RGMB: variants seen among roughly 807,000 people sequenced by gnomAD.
RGMB encodes the protein repulsive guidance molecule B.
Under a neutral mutation model 26.9 loss-of-function variants are expected in RGMB, and 16 were observed. The observed-to-expected ratio is 0.60, with a 90% CI of 0.40 to 0.90. The LOEUF is 0.90. Ranked by LOEUF, RGMB falls within the 40% of genes least tolerant of loss-of-function variation. The pLI is 0.00. For missense variants in RGMB, 512 were observed against 573.3 expected (o/e 0.89, Z 1.09); for synonymous variants, 225 against 229.3 (o/e 0.98, Z 0.17).
At position 98,779,737 on chromosome 5, in the gene RGMB, C is replaced by T; in HGVS notation, c.294C>T (p.Ala98=). 2.5e-6 allele frequency: 4 copies of T among 1,613,642 alleles called. No individual in the cohort carries two copies. Among genetic ancestry groups the T allele is most frequent in the Non-Finnish European group, 3.4e-6 (4 of 1,179,594 alleles). The stretch of plus-strand genomic sequence containing the variant: ...GCTGCACCCAGCGAACTTCAAAAGC[C>T]TGCCGTGGCAACCTGGTATACCATT... ...YAGCTQRTSK[A]CRGNLVYHSA... is the part of the protein sequence containing the mutation. The change falls in exon 2 of 3, where the codon GCC becomes GCT. Residue 98 remains alanine, a synonymous_variant. Transcript: ENST00000513185.
chr5:98,769,062 G>A (rs1379031373), upstream of RGMB, among the ~76,000 whole-genome samples: 1 of 152,198 alleles, frequency 6.6e-6, no homozygotes, highest in Non-Finnish European at 1.5e-5. Flanking sequence ...CCCGGAGGGC[G>A]GCGCGGAGGG....
intron 2 of RGMB, among the ~76,000 whole-genome samples, chr5:98,791,654 C>T (rs1440915841): frequency 2.0e-5 from 3 of 152,006 alleles, no homozygotes; most frequent in South Asian, 4.1e-4. Flanking sequence ...TTTGTTTTTT[C>T]AAGAAGGAAG....
chr5:98,790,276 C>CCCT, intron 2 of RGMB, among the ~76,000 whole-genome samples: 1 of 152,184 alleles, frequency 6.6e-6, no homozygotes. Context: ...CAATTCACCC[C>CCCT]CCTCAGCATT....
At chr5:98,787,416 G>GGA (rs1452961982) in intron 2 of RGMB, among the ~76,000 whole-genome samples, 1 of 152,204 alleles carries the variant, frequency 6.6e-6, no homozygotes, top group Non-Finnish European at 1.5e-5. Flanking sequence ...CTCTCTACCA[G>GGA]GAGAGGGAAT....
upstream of RGMB, chr5:98,772,564 A>T (rs1435477271): frequency 6.6e-6 from 1 of 152,232 alleles, no homozygotes; most frequent in African/African-American, 2.4e-5. Flanking sequence ...CGAGGGCGGT[A>T]TCAAGTGTCT....
chr5:98,782,996 G>C (rs936650606), intron 2 of RGMB, among the ~76,000 whole-genome samples: 2 of 152,194 alleles, frequency 1.3e-5, no homozygotes, highest in Non-Finnish European at 2.9e-5. Flanking sequence ...CATGCCTGCG[G>C]TGCTTAATGA....
intron 1 of RGMB, among the ~76,000 whole-genome samples, chr5:98,776,838 G>A (rs1246186635): frequency 6.6e-6 from 1 of 152,236 alleles, no homozygotes; most frequent in Non-Finnish European, 1.5e-5. Context: ...TGTAATCCCA[G>A]CACTTTGGGA....
upstream of RGMB, chr5:98,768,797 T>C (rs1375461521): frequency 1.3e-5 from 2 of 152,288 alleles, no homozygotes; most frequent in Admixed American, 6.5e-5. Context: ...CAGCGGACCA[T>C]TCCCGCCACT....
rs1287731399 is a variant in RGMB at position 98,773,945 on chromosome 5, G to T, written c.-126G>T. The T allele has an allele frequency of 3.2e-6, 2 of 616,368 alleles. No homozygotes were observed. The highest frequency in any genetic ancestry group is 2.8e-5 in the Admixed American group (1 of 36,062). The allele number at this position is 616,368 out of a possible 1,614,324, so 38.2% of individuals were successfully genotyped here. On this transcript the variant is annotated 5_prime_UTR_variant, in exon 1 of 3. Transcript: ENST00000513185. Reference sequence around the variant, plus strand: ...TGGTGGCGCCCCATCTGCTACACGGGCCTGAAGAAGGAAGAAGAGGAAGCG... The same window carrying T: ...TGGTGGCGCCCCATCTGCTACACGGTCCTGAAGAAGGAAGAAGAGGAAGCG...
At position 98,796,338 on chromosome 5, in the gene RGMB, C is replaced by CCCT. The variant is rs1747122967; in HGVS notation, c.*2587_*2588insTCC. On this transcript the variant is annotated 3_prime_UTR_variant, in exon 3 of 3. Transcript: ENST00000513185. ...TCCTCTTTGTTATGCTTGGAAGCTCCCCCCCCCCCAACAGTGTGTCGAGTC... is the reference window on the plus strand; with the variant it reads ...TCCTCTTTGTTATGCTTGGAAGCTCCCCTCCCCCCCCCAACAGTGTGTCGAGTC... 1 of 128,154 alleles carries CCCT rather than the reference C, an allele frequency of 7.8e-6. No homozygotes were observed. The highest frequency in any genetic ancestry group is 1.7e-5 in the Non-Finnish European group (1 of 58,738). 7.9% of individuals were successfully genotyped at this position (128,154 alleles called of 1,614,324 possible). A position where few individuals can be genotyped will look rare whatever the true frequency, so the allele number is the denominator to read the frequency against.
At chr5:98,782,648 T>C (rs898092614) in intron 2 of RGMB, among the ~76,000 whole-genome samples, 1 of 152,172 alleles carries the variant, frequency 6.6e-6, no homozygotes, top group Non-Finnish European at 1.5e-5. Flanking sequence ...CTGATGTCAT[T>C]GGCTAGCTGG....
chr5:98,787,794 T>G (rs1746808777), intron 2 of RGMB, among the ~76,000 whole-genome samples: 1 of 152,240 alleles, frequency 6.6e-6, no homozygotes, highest in Admixed American at 6.5e-5. Context: ...GTCTTAATTG[T>G]ACAGAAATTA....
At chr5:98,782,188 T>C (rs1746627910) in intron 2 of RGMB, among the ~76,000 whole-genome samples, 1 of 152,208 alleles carries the variant, frequency 6.6e-6, no homozygotes, top group South Asian at 2.1e-4. Flanking sequence ...CTTCTCTTTG[T>C]AACTCTCTCC....
intron 2 of RGMB, among the ~76,000 whole-genome samples, chr5:98,791,248 A>G (rs1746920405): frequency 6.6e-6 from 1 of 152,156 alleles, no homozygotes; most frequent in Admixed American, 6.5e-5. Flanking sequence ...TTCATAGTAC[A>G]TTGTCTGGCT....
At chr5:98,778,920 T>C (rs941676846) in intron 1 of RGMB, among the ~76,000 whole-genome samples, 14 of 152,104 alleles carry the variant, frequency 9.2e-5, no homozygotes, top group Non-Finnish European at 1.8e-4. Flanking sequence ...TTTTTTTTTT[T>C]CTTAGAGCAT....
intron 1 of RGMB, 78 bp from the exon 2 acceptor site, chr5:98,779,502 G>A (rs903477893): frequency 1.4e-5 from 19 of 1,372,930 alleles, no homozygotes; most frequent in Non-Finnish European, 1.9e-5. Context: ...AATTCCCAAA[G>A]AACAATGTGA....
chr5:98,769,161 G>T (rs1746067499), upstream of RGMB: 1 of 152,422 alleles, frequency 6.6e-6, no homozygotes, highest in Non-Finnish European at 1.5e-5. Context: ...ACCTGGACGC[G>T]GGGGTCTGCG....
In RGMB at chr5:98,787,555, C is replaced by T. The variant is rs76984004; in HGVS notation, c.646-5530C>T. ...TGGCAGCCTAGGCCTATAATACTGT[C>T]CACACAGGCCTGCCTTCATATCTGG... On this transcript the variant is annotated intron_variant, in intron 2 of 2. Transcript: ENST00000513185. Among the ~76,000 whole-genome samples, 74 of 152,322 alleles carry T rather than the reference C, an allele frequency of 4.9e-4. No individual in the cohort carries two copies. In the East Asian group the frequency reaches 0.014, roughly 29 times the overall value.
rs996309560 is a variant in RGMB at position 98,793,816 on chromosome 5, T to C, written c.*63T>C. 1 of 1,215,538 alleles carries C rather than the reference T, an allele frequency of 8.2e-7. No homozygotes were observed. Among genetic ancestry groups the C allele is most frequent in the African/African-American group, 1.5e-5 (1 of 65,132 alleles). The allele number at this position is 1,215,538 out of a possible 1,614,324, so 75.3% of individuals were successfully genotyped here. On this transcript the variant is annotated 3_prime_UTR_variant, in exon 3 of 3. Transcript: ENST00000513185. ...TAACAAAATTTTAAAATATATATTGTCATAATATATTGAGTAAAAGAGTAT... is the reference window on the plus strand; with the variant it reads ...TAACAAAATTTTAAAATATATATTGCCATAATATATTGAGTAAAAGAGTAT...
Sources: gnomAD v4.1 joint callset for allele counts (sites outside exome capture counted in the v4.1 genomes callset) on GRCh38, gnomAD v4.1.1 for gene constraint, MANE v1.5 for transcripts, NCBI Gene and HGNC (gene_info 2026-07-23, HGNC 2026-07-21) for gene names.